FSD1: variants seen among roughly 807,000 people sequenced by gnomAD.
FSD1 encodes the protein fibronectin type III and SPRY domain containing 1, also known as fibronectin type III and SPRY domain-containing protein 1.
A neutral mutation model predicts 58.2 loss-of-function variants in FSD1; 23 were observed. That is an observed-to-expected ratio of 0.40 (90% CI 0.28 to 0.56). The LOEUF (loss-of-function observed/expected upper bound fraction) is 0.56. FSD1 is among the 20% of genes least tolerant of loss of function. FSD1 has a pLI of 0.54. For synonymous variants in FSD1, 265 were observed against 263.4 expected (o/e 1.01, Z -0.06); for missense variants, 563 against 670.8 (o/e 0.84, Z 1.78).
chr19:4,321,719 T>G (rs1971820501), intron 10 of FSD1, among the ~76,000 whole-genome samples: 1 of 138,596 alleles, frequency 7.2e-6, no homozygotes, highest in Non-Finnish European at 1.6e-5. Flanking sequence ...ATAACTGGAG[T>G]CCAAGGAGTA....
chr19:4,316,999 C>T (rs75037711), intron 7 of FSD1, among the ~76,000 whole-genome samples, 183 bp from the exon 8 acceptor site: 54 of 152,164 alleles, frequency 3.5e-4, no homozygotes, highest in South Asian at 1.0e-3. Context: ...TTGATCCATG[C>T]GCCTCGGCCT....
chr19:4,308,678 C>T (rs1210000023), intron 4 of FSD1, among the ~76,000 whole-genome samples: 2 of 152,094 alleles, frequency 1.3e-5, no homozygotes, highest in Non-Finnish European at 2.9e-5. Flanking sequence ...ACAGTGAAAC[C>T]CCGTCTCTAC....
rs770991319 is a variant in FSD1, at chr19:4,307,267, A to G, written c.244-615A>G. On this transcript the variant is annotated intron_variant, in intron 3 of 12. Coordinates refer to ENST00000221856, the MANE Select transcript of FSD1 (RefSeq NM_024333.3). ...GACTGGTTTTCACCATGTTGCCTAG[A>G]CTAGTCTTGAACTCATGGGCTCAAG... is the stretch of plus-strand genomic sequence containing the variant. Among the ~76,000 whole-genome samples, 4 of 151,468 alleles carry G rather than the reference A, an allele frequency of 2.6e-5. No individual in the cohort carries two copies. The East Asian group carries it at 7.8e-4, about 30-fold the overall frequency.
chr19:4,315,685 C>T lies in FSD1; in HGVS notation c.701-1497C>T, dbSNP rs578160309. ...GAGTGCAATGATGCGATCTTTGGCT[C>T]ACTGCAACTTCTGCCTCCTGGGTTC... On this transcript the variant is annotated intron_variant, in intron 7 of 12. Coordinates refer to ENST00000221856, the MANE Select transcript of FSD1 (RefSeq NM_024333.3). 3.5e-5 allele frequency among the ~76,000 whole-genome samples: 5 copies of T among 141,984 alleles called. 1 individual carries two copies. In the South Asian group the frequency reaches 1.2e-3, roughly 33 times the overall value. 93.1% of individuals were successfully genotyped at this position (141,984 alleles called of 152,430 possible).
chr19:4,318,857 C>G lies in FSD1; in HGVS notation c.960-15C>G, dbSNP rs45460791. 15,934 of 1,610,812 alleles carry G rather than the reference C, an allele frequency of 9.9e-3. 115 individuals carry two copies. The highest frequency in any genetic ancestry group is 0.018 in the Middle Eastern group (106 of 6,010). ...ACTGAGCCTCCTGAGCCTGCCCACT[C>G]CCTGCCCACCACAGAGGTACTCCAT... On this transcript the variant is annotated splice_polypyrimidine_tract_variant and intron_variant, in intron 9 of 12. Coordinates refer to ENST00000221856, the MANE Select transcript of FSD1 (RefSeq NM_024333.3).
intron 6 of FSD1, 186 bp from the exon 7 acceptor site, chr19:4,311,656 C>T (rs1599535910): frequency 5.2e-6 from 3 of 574,874 alleles, no homozygotes; most frequent in Admixed American, 6.0e-5. Flanking sequence ...TGCACTCCAG[C>T]CTGGGTGACA....
At position 4,310,636 on chromosome 19, in the gene FSD1, A is replaced by T. The variant is rs563469809; in HGVS notation, c.490+40A>T. ...CACTAGAGGGCCAGGACTTCCGGGG[A>T]ATGACCTGGGAGGCTAGGAGGCCCT... On this transcript the variant is annotated intron_variant, in intron 6 of 12. Transcript: ENST00000221856. The T allele has an allele frequency of 5.0e-6, 8 of 1,594,560 alleles. No individual in the cohort carries two copies. The South Asian group carries it at 7.8e-5, about 15-fold the overall frequency.
intron 7 of FSD1, among the ~76,000 whole-genome samples, chr19:4,316,260 C>T (rs2144765526): frequency 6.6e-6 from 1 of 152,174 alleles, no homozygotes; most frequent in African/African-American, 2.4e-5. Context: ...TTCGCTCTGT[C>T]ACCCAGGCTA....
rs200317785 is a variant in FSD1 at position 4,313,464 on chromosome 19, A to G, written c.700+1413A>G. On this transcript the variant is annotated intron_variant, in intron 7 of 12. Coordinates refer to ENST00000221856, the MANE Select transcript of FSD1 (RefSeq NM_024333.3). ...GCCGGGCGTGGTGGCTCACACCTGT[A>G]CTCCCAGCACTTTGGGAGGCTTAGG... Among the ~76,000 whole-genome samples, 13 of 147,454 alleles carry G rather than the reference A, an allele frequency of 8.8e-5. No individual in the cohort carries two copies. The East Asian group carries it at 1.6e-3, about 18-fold the overall frequency.
chr19:4,311,754 A>G, intron 6 of FSD1, 88 bp from the exon 7 acceptor site: 1 of 1,247,598 alleles, frequency 8.0e-7, no homozygotes, highest in Non-Finnish European at 1.2e-6. Flanking sequence ...AAATTGTCCA[A>G]CATGTGGTTG....
intron 8 of FSD1, 80 bp downstream of exon 8, chr19:4,317,360 C>T (rs759351063): frequency 9.9e-6 from 9 of 912,590 alleles, no homozygotes; most frequent in Middle Eastern, 2.6e-4. Context: ...TGAGAATCCT[C>T]GAAGCAGGGT....
chr19:4,309,648 G>A (rs570159865), intron 4 of FSD1, among the ~76,000 whole-genome samples: 1 of 152,250 alleles, frequency 6.6e-6, no homozygotes, highest in South Asian at 2.1e-4. Context: ...AGTGGCTCAC[G>A]CCTGTAATCC....
intron 7 of FSD1, among the ~76,000 whole-genome samples, chr19:4,315,274 A>G (rs892550463): frequency 2.8e-5 from 4 of 143,416 alleles, no homozygotes; most frequent in Non-Finnish European, 6.0e-5. Context: ...TACAGGCACT[A>G]TAGGCATGCG....
rs200269208 is a variant in FSD1, at chr19:4,319,015, AG to A, written c.1039+67del. On this transcript the variant is annotated intron_variant, in intron 10 of 12. Coordinates refer to ENST00000221856, the MANE Select transcript of FSD1 (RefSeq NM_024333.3). ...GGCAGGGGCCTAATGGTGGGGGTTG[AG>A]GGAGAACCTTTGCCTTTGGCTGCGG... The A allele has an allele frequency of 1.4e-3, 1,817 of 1,304,056 alleles. 18 individuals carry two copies. In the African/African-American group the frequency reaches 0.024, roughly 17 times the overall value. The allele number at this position is 1,304,056 out of a possible 1,614,324, so 80.8% of individuals were successfully genotyped here.
intron 1 of FSD1, 22 bp downstream of exon 1, chr19:4,304,783 CGGG>C: frequency 4.7e-6 from 1 of 212,544 alleles, no homozygotes; most frequent in Non-Finnish European, 7.7e-6. Context: ...TGGGGCAGGG[CGGG>C]CCCGCAGGGG....
chr19:4,312,133 G>C, intron 7 of FSD1, 82 bp downstream of exon 7: 1 of 1,252,012 alleles, frequency 8.0e-7, no homozygotes, highest in South Asian at 1.4e-5. Context: ...GTCACTGGGG[G>C]CCTTGGGGAC....
At chr19:4,312,607 T>A (rs775586621) in intron 7 of FSD1, among the ~76,000 whole-genome samples, 2 of 151,344 alleles carry the variant, frequency 1.3e-5, no homozygotes, top group Non-Finnish European at 2.9e-5. Flanking sequence ...ATCGAGACCA[T>A]CCTGGCTAAC....
chr19:4,309,663 A>C (rs529296705), intron 4 of FSD1, among the ~76,000 whole-genome samples: 1 of 152,256 alleles, frequency 6.6e-6, no homozygotes, highest in South Asian at 2.1e-4. Flanking sequence ...TAATCCCAGC[A>C]CTTTGGGAGG....
intron 9 of FSD1, 102 bp from the exon 10 acceptor site, chr19:4,318,770 C>A: frequency 1.0e-6 from 1 of 954,606 alleles, no homozygotes; most frequent in South Asian, 1.3e-5. Context: ...AGAGATTGAC[C>A]CAACATCCAC....
Sources: gnomAD v4.1 joint callset for allele counts (sites outside exome capture counted in the v4.1 genomes callset) on GRCh38, gnomAD v4.1.1 for gene constraint, MANE v1.5 for transcripts, NCBI Gene and HGNC (gene_info 2026-07-23, HGNC 2026-07-21) for gene names.